The following IFI16 variants were observed in gnomAD, a reference collection of about 807,000 sequenced individuals.
IFI16 encodes the protein gamma-interferon-inducible protein 16.
In IFI16, 49 loss-of-function variants were observed where a neutral mutation model predicts 68.4. The observed-to-expected ratio is 0.72, with a 90% CI of 0.57 to 0.91. IFI16 has a LOEUF of 0.91. Ranked by LOEUF, IFI16 falls within the 40% of genes least tolerant of loss-of-function variation. The pLI, the probability that IFI16 is intolerant of heterozygous loss-of-function variation, is 0.00. For synonymous variants in IFI16, 307 were observed against 315.0 expected, an observed-to-expected ratio of 0.97 and a Z score of 0.27; for missense variants, 878 against 942.9, an observed-to-expected ratio of 0.93 and a Z score of 0.90.
At chr1:159,048,142 G>A (rs138515636) in intron 8 of IFI16, among the ~76,000 whole-genome samples, 179 of 150,982 alleles carry the variant, frequency 1.2e-3, no homozygotes, top group South Asian at 2.5e-3. Flanking sequence ...ATTTCCATCA[G>A]CAAGGGCATC....
chr1:159,054,131 G>T (rs1048947650), intron 11 of IFI16, among the ~76,000 whole-genome samples: 17 of 152,130 alleles, frequency 1.1e-4, no homozygotes, highest in African/African-American at 3.1e-4. Context: ...ACCATAGAGG[G>T]TCATCAACTT....
At chr1:159,021,824 G>T (rs186219640) in intron 6 of IFI16, among the ~76,000 whole-genome samples, 1 of 151,688 alleles carries the variant, frequency 6.6e-6, no homozygotes, top group African/African-American at 2.4e-5. Flanking sequence ...TCATTTTGTG[G>T]TTTTGATTTG....
At position 159,051,901 on chromosome 1, in the gene IFI16, A is replaced by G. The variant is rs376656720; in HGVS notation, c.1888A>G (p.Ile630Val). 79 of 1,613,990 alleles carry G rather than the reference A, an allele frequency of 4.9e-5. No homozygotes were observed. The highest frequency in any genetic ancestry group is 6.7e-5 in the Non-Finnish European group (79 of 1,179,956). The part of the protein sequence containing the change: ...LKEKFTPKKI[I>V]AIANYVCRNG... ...GGAGAAGTTCACCCCAAAGAAGATC[A>G]TTGCCATAGCAAATTATGTTTGCCG... is the stretch of plus-strand genomic sequence containing the variant. Residue 630 changes from isoleucine to valine, a missense_variant, in exon 10 of 12, where the codon ATT becomes GTT. By Grantham distance (29) the Ile-to-Val change is conservative. This residue lies in a region of IFI16 where 311 missense variants were observed against 305.1 expected (regional missense o/e 1.02). Transcript: ENST00000295809.
upstream of IFI16, among the ~76,000 whole-genome samples, chr1:159,004,746 A>C (rs1386763484): frequency 5.3e-5 from 8 of 152,220 alleles, no homozygotes; most frequent in Non-Finnish European, 7.3e-5. Flanking sequence ...CATTACTGAC[A>C]ACAGTAGAGA....
At chr1:159,022,254 G>C (rs1302756056) in intron 6 of IFI16, among the ~76,000 whole-genome samples, 3 of 152,148 alleles carry the variant, frequency 2.0e-5, no homozygotes, top group African/African-American at 7.2e-5. Context: ...GTGAGCCACC[G>C]TGCCCGGCCC....
upstream of IFI16, among the ~76,000 whole-genome samples, chr1:159,005,337 A>C (rs1410706505): frequency 6.6e-6 from 1 of 152,208 alleles, no homozygotes; most frequent in African/African-American, 2.4e-5. Context: ...ATGAACCAGA[A>C]ACTTCTTTCA....
At chr1:159,027,760 AG>A (rs1653762463) in intron 6 of IFI16, among the ~76,000 whole-genome samples, 1 of 152,056 alleles carries the variant, frequency 6.6e-6, no homozygotes, top group African/African-American at 2.4e-5. Flanking sequence ...TTAACCCAGG[AG>A]GGTTGTATAT....
intron 5 of IFI16, among the ~76,000 whole-genome samples, chr1:159,019,277 A>T (rs1017012396): frequency 6.6e-6 from 1 of 151,476 alleles, no homozygotes; most frequent in Non-Finnish European, 1.5e-5. Context: ...AAAAAAATAG[A>T]GTACAGAGTG....
chr1:159,044,433 G>A (rs1206370142), intron 7 of IFI16, among the ~76,000 whole-genome samples: 1 of 152,066 alleles, frequency 6.6e-6, no homozygotes, highest in Admixed American at 6.5e-5. Flanking sequence ...GCTCAGTGGT[G>A]GTCAGAGACT....
At chr1:159,025,185 C>T (rs1208653222) in intron 6 of IFI16, among the ~76,000 whole-genome samples, 1 of 152,180 alleles carries the variant, frequency 6.6e-6, no homozygotes, top group African/African-American at 2.4e-5. Context: ...GCCTCCCGCT[C>T]CATTCCTGCT....
At chr1:159,030,468 T>TA (rs979154827) in intron 6 of IFI16, among the ~76,000 whole-genome samples, 9 of 151,972 alleles carry the variant, frequency 5.9e-5, no homozygotes, top group African/African-American at 1.9e-4. Flanking sequence ...GCTGTTAGGA[T>TA]TTTTTTTGTC....
intron 1 of IFI16, among the ~76,000 whole-genome samples, chr1:159,014,090 A>G (rs767727053): frequency 4.6e-5 from 7 of 152,350 alleles, no homozygotes; most frequent in South Asian, 2.1e-4. Context: ...TTATGGTTTT[A>G]TGGGTACAGA....
At chr1:159,045,550 C>T in intron 8 of IFI16, 86 bp downstream of exon 8, 1 of 1,488,380 alleles carries the variant, frequency 6.7e-7, no homozygotes, top group Non-Finnish European at 9.2e-7. Context: ...CTCACCAATC[C>T]CCTACTACAT....
chr1:159,013,410 C>T (rs573742207), intron 1 of IFI16, among the ~76,000 whole-genome samples: 9 of 152,128 alleles, frequency 5.9e-5, no homozygotes, highest in African/African-American at 1.7e-4. Flanking sequence ...ACTTGTGATT[C>T]GACCACCTCG....
In IFI16 at chr1:159,020,348, T is replaced by G; in HGVS notation, c.980T>G (p.Val327Gly). ...ATTAATTTTCTGTTACAGAAAACAG[T>G]AAATCAGAAGACCACAATCTACGAA... ...YGVFMLHKKT[V>G]NQKTTIYEIQ... The change falls in exon 6 of 12, where the codon GTA becomes GGA. Residue 327 changes from valine to glycine, a missense_variant. Physicochemically the swap from Val to Gly is moderately radical, Grantham distance 109 (BLOSUM62 -3). Transcript: ENST00000295809. 1 of 1,602,728 alleles carries G rather than the reference T, an allele frequency of 6.2e-7. No individual in the cohort carries two copies. Among genetic ancestry groups the G allele is most frequent in the Non-Finnish European group, 8.5e-7 (1 of 1,173,664 alleles).
At chr1:159,007,543 T>G (rs961246149), upstream of IFI16, among the ~76,000 whole-genome samples, 5 of 152,182 alleles carry the variant, frequency 3.3e-5, no homozygotes, top group African/African-American at 1.2e-4. Flanking sequence ...GAAAATAGCT[T>G]CAATTACTGC....
At chr1:159,031,823 A>G (rs1374097753) in intron 6 of IFI16, among the ~76,000 whole-genome samples, 1 of 152,230 alleles carries the variant, frequency 6.6e-6, no homozygotes, top group East Asian at 1.9e-4. Context: ...TCAAAAGGAT[A>G]TAAAACTCGT....
Position 159,018,560 on chromosome 1 carries a change from T to A in IFI16, c.881T>A (p.Ile294Asn). 1 of 1,613,882 alleles carries A rather than the reference T, an allele frequency of 6.2e-7. No individual in the cohort carries two copies. ...PNQTFEVPNK[I>N]INRAKETLKI... ...CAAACGTTTGAGGTTCCAAATAAAA[T>A]CATCAACAGAGCAAAGGAAACTCTG... Residue 294 changes from isoleucine to asparagine, a missense_variant, in exon 5 of 12, where the codon ATC (isoleucine) becomes AAC (asparagine). By Grantham distance (149) the Ile-to-Asn change is moderately radical. Transcript: ENST00000295809.
intron 3 of IFI16, 52 bp from the exon 4 acceptor site, chr1:159,016,481 C>A: frequency 6.7e-7 from 1 of 1,483,696 alleles, no homozygotes; most frequent in Non-Finnish European, 9.2e-7. Flanking sequence ...AAAATGTGCT[C>A]TACTTCATTT....
Sources: allele counts gnomAD v4.1 joint callset (sites outside exome capture counted in the v4.1 genomes callset), GRCh38; gene constraint gnomAD v4.1.1; regional missense constraint gnomAD v4.1.1; transcripts MANE v1.5; gene names NCBI Gene and HGNC (gene_info 2026-07-23, HGNC 2026-07-21).